Variants in GDF11 observed in about 807,000 individuals in gnomAD.
GDF11 encodes growth differentiation factor 11.
Under a neutral mutation model 34.4 loss-of-function variants are expected in GDF11, and 12 were observed. The ratio of observed to expected loss-of-function variants is 0.35; its 90% CI spans 0.22 to 0.57. GDF11 has a LOEUF of 0.57. Among genes scored for constraint, GDF11 ranks in the 20% least tolerant of loss-of-function variants. The pLI is 0.86. For synonymous variants in GDF11, 212 were observed against 231.1 expected, an observed-to-expected ratio of 0.92 and a Z score of 0.75; for missense variants, 346 against 548.2, an observed-to-expected ratio of 0.63 and a Z score of 3.68.
intron 1 of GDF11, among the ~76,000 whole-genome samples, chr12:55,745,218 A>G (rs1195939660): frequency 6.6e-6 from 1 of 152,142 alleles, no homozygotes; most frequent in Non-Finnish European, 1.5e-5. Context: ...GATGAAGGTT[A>G]CAGAGGGAAA....
rs1878298985 is a variant in GDF11 at position 55,750,928 on chromosome 12, G to A, written c.*1046G>A. On this transcript the variant is annotated 3_prime_UTR_variant, in exon 3 of 3. Coordinates refer to ENST00000257868, the MANE Select transcript of GDF11 (RefSeq NM_005811.5). ...GAGAGACCAAAGAGCCTCTGGAATG[G>A]CCCTGCTCCCAGCCTCTATCTTCAG... 1 of 152,208 alleles carries A rather than the reference G, an allele frequency of 6.6e-6. No homozygotes were observed. The highest frequency in any genetic ancestry group is 6.5e-5 in the Admixed American group (1 of 15,274). The allele number at this position is 152,208 out of a possible 1,614,324, so 9.4% of individuals were successfully genotyped here.
In GDF11 at chr12:55,752,459, CAA is replaced by C. The variant is rs1228535250; in HGVS notation, c.*2579_*2580del. The C allele has an allele frequency of 1.3e-5, 2 of 152,058 alleles. No individual in the cohort carries two copies. The highest frequency in any genetic ancestry group is 4.8e-5 in the African/African-American group (2 of 41,360). 9.4% of individuals were successfully genotyped at this position (152,058 alleles called of 1,614,324 possible). A position where few individuals can be genotyped will look rare whatever the true frequency, so the allele number is the denominator to read the frequency against. ...TCATTCCCCTGTTCCTCCCTACCCC[CAA>C]AGAGGCACAGAGTGAAGGGACTTGG... On this transcript the variant is annotated 3_prime_UTR_variant, in exon 3 of 3. Transcript: ENST00000257868.
chr12:55,751,903 T>G lies in GDF11; in HGVS notation c.*2021T>G, dbSNP rs1428621016. The G allele has an allele frequency of 6.6e-6, 1 of 152,238 alleles. No homozygotes were observed. Among genetic ancestry groups the G allele is most frequent in the Non-Finnish European group, 1.5e-5 (1 of 68,064 alleles). 9.4% of individuals were successfully genotyped at this position (152,238 alleles called of 1,614,324 possible). A position where few individuals can be genotyped will look rare whatever the true frequency, so the allele number is the denominator to read the frequency against. On this transcript the variant is annotated 3_prime_UTR_variant, in exon 3 of 3. Transcript: ENST00000257868. The stretch of plus-strand genomic sequence containing the variant: ...GAGCATGACTCTCCCCCTTGGCCAG[T>G]TGGTGGAAGGGGCAAAGGTATGTGA...
At chr12:55,745,688 G>T (rs897433919) in intron 1 of GDF11, among the ~76,000 whole-genome samples, 1 of 151,930 alleles carries the variant, frequency 6.6e-6, no homozygotes, top group Non-Finnish European at 1.5e-5. Context: ...CTAATCGGGG[G>T]AGGTGTTTGT....
chr12:55,743,765 A>C lies in GDF11; in HGVS notation c.445+4A>C. On this transcript the variant is annotated splice_donor_region_variant and intron_variant, in intron 1 of 2. Coordinates refer to ENST00000257868, the MANE Select transcript of GDF11 (RefSeq NM_005811.5). ...GTCATTAGCATGGCCCAGGAGAGTA[A>C]GTGGGCTGCGGGGCGCGAGCAGTGG... is the stretch of plus-strand genomic sequence containing the variant. 6.5e-7 allele frequency: 1 copy of C among 1,533,860 alleles called. No individual in the cohort carries two copies. Among genetic ancestry groups the C allele is most frequent in the Middle Eastern group, 1.8e-4 (1 of 5,696 alleles).
Position 55,754,853 on chromosome 12 carries a change from TAAG to T in GDF11, c.*4974_*4976del, listed in dbSNP as rs1315175229. On this transcript the variant is annotated 3_prime_UTR_variant, in exon 3 of 3. Coordinates refer to ENST00000257868, the MANE Select transcript of GDF11 (RefSeq NM_005811.5). ...GGGTCTCAGAGCTAGTGTGGTAGAA[TAAG>T]AAATTAAACCTAAGTAGTTGCTAAA... The T allele has an allele frequency of 2.0e-5, 3 of 152,200 alleles. No homozygotes were observed. Among genetic ancestry groups the T allele is most frequent in the Non-Finnish European group, 4.4e-5 (3 of 68,040 alleles). The allele number at this position is 152,200 out of a possible 1,614,324, so 9.4% of individuals were successfully genotyped here. A position where few individuals can be genotyped will look rare whatever the true frequency, so the allele number is the denominator to read the frequency against.
chr12:55,743,824 T>G, intron 1 of GDF11, 63 bp downstream of exon 1: 2 of 1,341,222 alleles, frequency 1.5e-6, no homozygotes, highest in Non-Finnish European at 2.0e-6. Context: ...GGGCGCCTTC[T>G]GCTCCAAGCG....
At position 55,749,696 on chromosome 12, in the gene GDF11, G is replaced by A. The variant is rs779705439; in HGVS notation, c.1038G>A (p.Glu346=). Residue 346 remains glutamate (E), a synonymous_variant, in exon 3 of 3, where the codon GAG becomes GAA. Coordinates refer to ENST00000257868, the MANE Select transcript of GDF11 (RefSeq NM_005811.5). This position sits in a 1 kb window ranked among gnomAD's most constrained non-coding sequence, Gnocchi z 5.6. The part of the protein sequence containing the change: ...YKANYCSGQC[E]YMFMQKYPHT... Reference sequence around the variant, plus strand: ...CCAACTACTGCTCCGGCCAGTGCGAGTACATGTTCATGCAAAAATATCCGC... The same window carrying A: ...CCAACTACTGCTCCGGCCAGTGCGAATACATGTTCATGCAAAAATATCCGC... 1.1e-5 allele frequency: 17 copies of A among 1,614,006 alleles called. No individual in the cohort carries two copies. Among genetic ancestry groups the A allele is most frequent in the Non-Finnish European group, 1.4e-5 (17 of 1,180,046 alleles).
At chr12:55,744,263 G>A (rs1477234671) in intron 1 of GDF11, among the ~76,000 whole-genome samples, 2 of 152,172 alleles carry the variant, frequency 1.3e-5, no homozygotes, top group Non-Finnish European at 2.9e-5. Context: ...CCCAAGAATA[G>A]GGTCCCAGAG....
rs1878246374 is a variant in GDF11 at position 55,749,023 on chromosome 12, GC to G, written c.843+43del. On this transcript the variant is annotated intron_variant, in intron 2 of 2. Coordinates refer to ENST00000257868, the MANE Select transcript of GDF11 (RefSeq NM_005811.5). The surrounding 1 kb of genome is among the most constrained non-coding windows in gnomAD (Gnocchi z 5.6). ...TGAGGTGGTGGATATGTGTAACCTGGCCCTGAGGAGATAGGGTTACATTGGA... is the reference window on the plus strand; with the variant it reads ...TGAGGTGGTGGATATGTGTAACCTGGCCTGAGGAGATAGGGTTACATTGGA... The G allele has an allele frequency of 6.5e-7, 1 of 1,540,330 alleles. No homozygotes were observed. The highest frequency in any genetic ancestry group is 1.9e-5 in the Admixed American group (1 of 52,702).
intron 1 of GDF11, among the ~76,000 whole-genome samples, chr12:55,744,026 G>A (rs1878125780): frequency 6.6e-6 from 1 of 152,196 alleles, no homozygotes; most frequent in Non-Finnish European, 1.5e-5. Flanking sequence ...CCCCCAGTAT[G>A]CTAAAAAGAT....
At chr12:55,745,211 G>A (rs1439676712) in intron 1 of GDF11, among the ~76,000 whole-genome samples, 2 of 152,136 alleles carry the variant, frequency 1.3e-5, no homozygotes, top group African/African-American at 4.8e-5. Context: ...GCTGGAAGAT[G>A]AAGGTTACAG....
At position 55,752,281 on chromosome 12, in the gene GDF11, C is replaced by T. The variant is rs1030289457; in HGVS notation, c.*2399C>T. 1 of 148,982 alleles carries T rather than the reference C, an allele frequency of 6.7e-6. No homozygotes were observed. Among genetic ancestry groups the T allele is most frequent in the African/African-American group, 2.5e-5 (1 of 40,196 alleles). The allele number at this position is 148,982 out of a possible 1,614,324, so 9.2% of individuals were successfully genotyped here. On this transcript the variant is annotated 3_prime_UTR_variant, in exon 3 of 3. Coordinates refer to ENST00000257868, the MANE Select transcript of GDF11 (RefSeq NM_005811.5). ...GCAATAAGCATCAGGTATCTTCCCT[C>T]TACAGATTCTAGAGAGCTGGGGCAT...
rs906715583 is a variant in GDF11, at chr12:55,751,873, C to T, written c.*1991C>T. On this transcript the variant is annotated 3_prime_UTR_variant, in exon 3 of 3. Coordinates refer to ENST00000257868, the MANE Select transcript of GDF11 (RefSeq NM_005811.5). ...GAGCAAAACTGGATGGCTCATTCTT[C>T]CCAAGAGCATGACTCTCCCCCTTGG... is the stretch of plus-strand genomic sequence containing the variant. The T allele has an allele frequency of 6.6e-6, 1 of 152,240 alleles. No individual in the cohort carries two copies. The highest frequency in any genetic ancestry group is 2.4e-5 in the African/African-American group (1 of 41,422). 9.4% of individuals were successfully genotyped at this position (152,240 alleles called of 1,614,324 possible).
At position 55,749,945 on chromosome 12, in the gene GDF11, T is replaced by TC; in HGVS notation, c.*69dup. The TC allele has an allele frequency of 2.1e-6, 3 of 1,398,922 alleles. No homozygotes were observed. The highest frequency in any genetic ancestry group is 2.3e-5 in the East Asian group (1 of 43,258). 86.7% of individuals were successfully genotyped at this position (1,398,922 alleles called of 1,614,324 possible). ...CCCAAGACCCCTAGCCCTGCCCCCA[T>TC]CCCCCCAAGCCCTAGAGCTCCCTCC... On this transcript the variant is annotated 3_prime_UTR_variant, in exon 3 of 3. Coordinates refer to ENST00000257868, the MANE Select transcript of GDF11 (RefSeq NM_005811.5). This position sits in a 1 kb window ranked among gnomAD's most constrained non-coding sequence, Gnocchi z 5.6.
rs954388671 is a variant in GDF11, at chr12:55,749,531, G to C, written c.873G>C (p.Glu291Asp). 85 of 1,612,800 alleles carry C rather than the reference G, an allele frequency of 5.3e-5. No individual in the cohort carries two copies. Among genetic ancestry groups the C allele is most frequent in the Non-Finnish European group, 7.0e-5 (83 of 1,178,986 alleles). The change falls in exon 3 of 3, where the codon GAG (glutamate) becomes GAC (aspartate). Residue 291 changes from glutamate (E) to aspartate (D), a missense_variant. Transcript: ENST00000257868. This position sits in a 1 kb window ranked among gnomAD's most constrained non-coding sequence, Gnocchi z 5.6. ...LHPFMELRVL[E>D]NTKRSRRNLG... is the part of the protein sequence containing the mutation. ...CATTCATGGAGCTTCGAGTCCTAGA[G>C]AACACAAAACGTTCCCGGCGGAACC...
In GDF11 at chr12:55,751,582, G is replaced by C. The variant is rs1010183922; in HGVS notation, c.*1700G>C. On this transcript the variant is annotated 3_prime_UTR_variant, in exon 3 of 3. Transcript: ENST00000257868. Reference sequence around the variant, plus strand: ...CACCAGAGTAGTGGTGAAGAGATGTGAGGCTTAAGAGGAGTCACAGGCTTC... The same window carrying C: ...CACCAGAGTAGTGGTGAAGAGATGTCAGGCTTAAGAGGAGTCACAGGCTTC... The C allele has an allele frequency of 1.3e-5, 2 of 152,224 alleles. No individual in the cohort carries two copies. The highest frequency in any genetic ancestry group is 2.9e-5 in the Non-Finnish European group (2 of 68,056). The allele number at this position is 152,224 out of a possible 1,614,324, so 9.4% of individuals were successfully genotyped here.
rs934350505 is a variant in GDF11, at chr12:55,751,849, A to G, written c.*1967A>G. 3 of 152,244 alleles carry G rather than the reference A, an allele frequency of 2.0e-5. No homozygotes were observed. The highest frequency in any genetic ancestry group is 6.5e-5 in the Admixed American group (1 of 15,290). The allele number at this position is 152,244 out of a possible 1,614,324, so 9.4% of individuals were successfully genotyped here. A position where few individuals can be genotyped will look rare whatever the true frequency, so the allele number is the denominator to read the frequency against. On this transcript the variant is annotated 3_prime_UTR_variant, in exon 3 of 3. Transcript: ENST00000257868. ...AACTAAAGTAAAGCCCAAGCTGGTGAGCAAAACTGGATGGCTCATTCTTCC... is the reference window on the plus strand; with the variant it reads ...AACTAAAGTAAAGCCCAAGCTGGTGGGCAAAACTGGATGGCTCATTCTTCC...
rs780810903 is a variant in GDF11 at position 55,749,916 on chromosome 12, C to CT, written c.*35dup. On this transcript the variant is annotated 3_prime_UTR_variant, in exon 3 of 3. Coordinates refer to ENST00000257868, the MANE Select transcript of GDF11 (RefSeq NM_005811.5). The surrounding 1 kb of genome is among the most constrained non-coding windows in gnomAD (Gnocchi z 5.6). ...ATAGAGGATGCCTCCCCCACAGACCCTACCCCAAGACCCCTAGCCCTGCCC... is the reference window on the plus strand; with the variant it reads ...ATAGAGGATGCCTCCCCCACAGACCCTTACCCCAAGACCCCTAGCCCTGCCC... 1 of 1,569,038 alleles carries CT rather than the reference C, an allele frequency of 6.4e-7. No individual in the cohort carries two copies. The highest frequency in any genetic ancestry group is 8.7e-7 in the Non-Finnish European group (1 of 1,151,762).
Sources: allele counts gnomAD v4.1 joint callset (sites outside exome capture counted in the v4.1 genomes callset), GRCh38; gene constraint gnomAD v4.1.1; non-coding constraint Gnocchi (gnomAD v3.1); transcripts MANE v1.5; gene names NCBI Gene and HGNC (gene_info 2026-07-23, HGNC 2026-07-21).